GRIN2A: variants seen among roughly 807,000 people sequenced by gnomAD.
GRIN2A encodes glutamate ionotropic receptor NMDA type subunit 2A.
A neutral mutation model predicts 113.4 loss-of-function variants in GRIN2A; 22 were observed. The observed-to-expected ratio is 0.19, with a 90% CI of 0.14 to 0.28. GRIN2A has a LOEUF of 0.28. Among genes scored for constraint, GRIN2A ranks in the 10% least tolerant of loss-of-function variants. GRIN2A has a pLI of 1.00. For missense variants in GRIN2A, 1,502 were observed against 1,887.0 expected, an observed-to-expected ratio of 0.80 and a Z score of 3.78; for synonymous variants, 827 against 738.4, an observed-to-expected ratio of 1.12 and a Z score of -1.94.
chr16:9,768,155 G>C (rs1490029480), intron 12 of GRIN2A, among the ~76,000 whole-genome samples: 1 of 152,148 alleles, frequency 6.6e-6, no homozygotes, highest in Non-Finnish European at 1.5e-5. Flanking sequence ...CCGCTTCCCG[G>C]GTTCACGCCA....
At chr16:10,094,834 A>C (rs2048254996) in intron 2 of GRIN2A, among the ~76,000 whole-genome samples, 1 of 151,572 alleles carries the variant, frequency 6.6e-6, no homozygotes, top group South Asian at 2.1e-4. Context: ...GAAAAGTATA[A>C]AATGAACCAA....
Position 9,763,720 on chromosome 16 carries a change from T to C in GRIN2A, c.3824A>G (p.Asn1275Ser), listed in dbSNP as rs2141129271. The C allele has an allele frequency of 6.2e-7, 1 of 1,614,072 alleles. No individual in the cohort carries two copies. Among genetic ancestry groups the C allele is most frequent in the Non-Finnish European group, 8.5e-7 (1 of 1,179,956 alleles). ...QVYQQDWAQN[N>S]ALQLQKNKLR... ...CTTGTTCTTTTGTAATTGAAGGGCA[T>C]TGTTCTGTGCCCAGTCCTGCTGGTA... Residue 1275 changes from asparagine (N) to serine (S), a missense_variant, in exon 13 of 13, where the codon AAT becomes AGT. By Grantham distance (46) the Asn-to-Ser change is conservative. Coordinates refer to ENST00000330684, the MANE Select transcript of GRIN2A (RefSeq NM_001134407.3).
At chr16:9,874,520 C>A (rs2043327820) in intron 4 of GRIN2A, among the ~76,000 whole-genome samples, 1 of 152,184 alleles carries the variant, frequency 6.6e-6, no homozygotes, top group Non-Finnish European at 1.5e-5. Context: ...ATCCACTGTG[C>A]AGGGATGGGG....
chr16:10,164,891 T>G (rs1238244045), intron 2 of GRIN2A, among the ~76,000 whole-genome samples: 1 of 152,230 alleles, frequency 6.6e-6, no homozygotes, highest in Non-Finnish European at 1.5e-5. Context: ...TATTTTTGTC[T>G]AGCCAATCAG....
At position 9,901,463 on chromosome 16, in the gene GRIN2A, T is replaced by TTA. The variant is rs549293381; in HGVS notation, c.1008-10365_1008-10364dup. Among the ~76,000 whole-genome samples, 25 of 152,192 alleles carry TTA rather than the reference T, an allele frequency of 1.6e-4. No individual in the cohort carries two copies. In the South Asian group the frequency reaches 2.3e-3, roughly 14 times the overall value. On this transcript the variant is annotated intron_variant, in intron 3 of 12. Coordinates refer to ENST00000330684, the MANE Select transcript of GRIN2A (RefSeq NM_001134407.3). Reference sequence around the variant, plus strand: ...CGATATTATTTGGGGAAAATACATATTATATATATATTTTTGAGACACAGT... The same window carrying TTA: ...CGATATTATTTGGGGAAAATACATATTATATATATATATTTTTGAGACACAGT...
chr16:9,973,501 G>C (rs1468980349), intron 2 of GRIN2A, among the ~76,000 whole-genome samples: 1 of 152,148 alleles, frequency 6.6e-6, no homozygotes, highest in African/African-American at 2.4e-5. Flanking sequence ...AATGGAGAAG[G>C]GGAAAAAATA....
chr16:9,946,964 A>C (rs1482367840), intron 2 of GRIN2A, among the ~76,000 whole-genome samples: 1 of 152,142 alleles, frequency 6.6e-6, no homozygotes, highest in Non-Finnish European at 1.5e-5. Context: ...TAATTACCTC[A>C]TTTTGCTTAA....
chr16:9,897,593 A>C (rs561474238), intron 3 of GRIN2A, among the ~76,000 whole-genome samples: 1 of 152,326 alleles, frequency 6.6e-6, no homozygotes. Flanking sequence ...CGTATTTTTC[A>C]AAAGAGTAAA....
At chr16:10,032,045 A>T (rs2046939246) in intron 2 of GRIN2A, among the ~76,000 whole-genome samples, 2 of 152,188 alleles carry the variant, frequency 1.3e-5, no homozygotes, top group Non-Finnish European at 2.9e-5. Context: ...AGTACTTATT[A>T]CAGCGCATCG....
chr16:9,937,570 T>C (rs1405829414), intron 3 of GRIN2A: 1 of 237,498 alleles, frequency 4.2e-6, no homozygotes. Flanking sequence ...AACTAAATCA[T>C]GATACCATGA....
chr16:9,960,916 G>T (rs34998449), intron 2 of GRIN2A, among the ~76,000 whole-genome samples: 2 of 151,990 alleles, frequency 1.3e-5, no homozygotes, highest in Non-Finnish European at 2.9e-5. Flanking sequence ...ATGAGCCACC[G>T]CACCCAGCTG....
chr16:9,877,476 C>A (rs949923761), intron 4 of GRIN2A, among the ~76,000 whole-genome samples: 19 of 152,076 alleles, frequency 1.2e-4, no homozygotes, highest in African/African-American at 4.3e-4. Flanking sequence ...AGCCCCCTAC[C>A]CACCCAGAGA....
chr16:9,986,748 G>C (rs1385071678), intron 2 of GRIN2A, among the ~76,000 whole-genome samples: 2 of 134,194 alleles, frequency 1.5e-5, no homozygotes, highest in Non-Finnish European at 3.1e-5. Flanking sequence ...CCAGGCAACA[G>C]TGCAAGACGC....
intron 4 of GRIN2A, among the ~76,000 whole-genome samples, chr16:9,885,926 CTA>C (rs1450314838): frequency 1.3e-5 from 2 of 152,208 alleles, no homozygotes; most frequent in African/African-American, 4.8e-5. Flanking sequence ...TGGGAAATTG[CTA>C]TGTTTCAACA....
At chr16:9,790,693 C>T (rs1047306223) in intron 11 of GRIN2A, among the ~76,000 whole-genome samples, 37 of 152,120 alleles carry the variant, frequency 2.4e-4, no homozygotes, top group African/African-American at 6.8e-4. Flanking sequence ...TACCTCCTTG[C>T]ATCTCTCTCT....
At chr16:10,173,850 G>C (rs2050092682) in intron 2 of GRIN2A, among the ~76,000 whole-genome samples, 1 of 152,112 alleles carries the variant, frequency 6.6e-6, no homozygotes. Flanking sequence ...ATATATAAAA[G>C]CAGGTTGTGA....
intron 11 of GRIN2A, among the ~76,000 whole-genome samples, chr16:9,793,298 C>G (rs1224603458): frequency 6.6e-6 from 1 of 152,096 alleles, no homozygotes; most frequent in Non-Finnish European, 1.5e-5. Context: ...ATTAGGCATT[C>G]TTGTTCTTCT....
rs78781711 is a variant in GRIN2A, at chr16:10,099,192, C to G, written c.414+80806G>C. ...TTACAAAGGGCATCATTATGAGTAA[C>G]TGCAAAACCATTATGAAAATCAACT... On this transcript the variant is annotated intron_variant, in intron 2 of 12. Transcript: ENST00000330684. 1.4e-4 allele frequency among the ~76,000 whole-genome samples: 22 copies of G among 152,258 alleles called. No homozygotes were observed. The East Asian group carries it at 4.3e-3, about 29-fold the overall frequency.
intron 2 of GRIN2A, among the ~76,000 whole-genome samples, chr16:9,980,153 G>C (rs570563912): frequency 1.3e-5 from 2 of 151,700 alleles, no homozygotes; most frequent in African/African-American, 4.8e-5. Flanking sequence ...CACGCCTGCA[G>C]TCACAGCTAC....
Sources: allele counts gnomAD v4.1 joint callset (sites outside exome capture counted in the v4.1 genomes callset), GRCh38; gene constraint gnomAD v4.1.1; transcripts MANE v1.5; gene names NCBI Gene and HGNC (gene_info 2026-07-23, HGNC 2026-07-21).